Variants in FST observed in about 807,000 individuals in gnomAD.
FST encodes follistatin.
In FST, 6 loss-of-function variants were observed where a neutral mutation model predicts 38.4. That is an observed-to-expected ratio of 0.16 (90% CI 0.09 to 0.31). FST has a LOEUF of 0.31. Ranked by LOEUF, FST falls within the 10% of genes least tolerant of loss-of-function variation. FST has a pLI of 1.00. For missense variants in FST, 301 were observed against 432.3 expected, an observed-to-expected ratio of 0.70 and a Z score of 2.69; for synonymous variants, 157 against 169.8, an observed-to-expected ratio of 0.92 and a Z score of 0.59.
chr5:53,482,523 G>C (rs1255367633), intron 1 of FST, among the ~76,000 whole-genome samples: 1 of 151,866 alleles, frequency 6.6e-6, no homozygotes, highest in Non-Finnish European at 1.5e-5. Context: ...GAAATGGGAC[G>C]AATAAAAGTA....
In FST at chr5:53,482,992, C is replaced by A. The variant is rs1315267384; in HGVS notation, c.198C>A (p.Thr66=). Residue 66 remains threonine (T), a synonymous_variant, in exon 2 of 6, where the codon ACC becomes ACA. Coordinates refer to ENST00000256759, the MANE Select transcript of FST (RefSeq NM_013409.3). ...CCGGCCGGCTGAGCACCTCGTGGAC[C>A]GAGGAGGACGTGAATGACAACACAC... ...CSTGRLSTSW[T]EEDVNDNTLF... 1 of 1,613,776 alleles carries A rather than the reference C, an allele frequency of 6.2e-7. No homozygotes were observed. The highest frequency in any genetic ancestry group is 8.5e-7 in the Non-Finnish European group (1 of 1,179,680).
Position 53,483,879 on chromosome 5 carries a change from C to T in FST, c.496+157C>T, listed in dbSNP as rs1006955694. ...CCAAATAAAGGAGTCCTTTTCTAACCTCTAGAGATTCATTAAGAACACTGA... is the reference window on the plus strand; with the variant it reads ...CCAAATAAAGGAGTCCTTTTCTAACTTCTAGAGATTCATTAAGAACACTGA... On this transcript the variant is annotated intron_variant, in intron 3 of 5. Coordinates refer to ENST00000256759, the MANE Select transcript of FST (RefSeq NM_013409.3). The surrounding 1 kb of genome is among the most constrained non-coding windows in gnomAD (Gnocchi z 4.1). 6.6e-6 allele frequency among the ~76,000 whole-genome samples: 1 copy of T among 152,272 alleles called. No individual in the cohort carries two copies. Among genetic ancestry groups the T allele is most frequent in the Non-Finnish European group, 1.5e-5 (1 of 68,024 alleles).
intron 1 of FST, chr5:53,482,633 CCTCCCTCCCTCT>C (rs1328580649): frequency 6.7e-6 from 3 of 444,980 alleles, no homozygotes; most frequent in Non-Finnish European, 1.2e-5. Flanking sequence ...TCCCTCTCTC[CCTCCCTCCCTCT>C]CGCCCACCTC....
Position 53,483,774 on chromosome 5 carries a change from G to C in FST, c.496+52G>C. The C allele has an allele frequency of 7.5e-7, 1 of 1,341,066 alleles. No homozygotes were observed. The highest frequency in any genetic ancestry group is 1.1e-6 in the Non-Finnish European group (1 of 938,674). The allele number at this position is 1,341,066 out of a possible 1,614,324, so 83.1% of individuals were successfully genotyped here. A position where few individuals can be genotyped will look rare whatever the true frequency, so the allele number is the denominator to read the frequency against. On this transcript the variant is annotated intron_variant, in intron 3 of 5. Coordinates refer to ENST00000256759, the MANE Select transcript of FST (RefSeq NM_013409.3). The surrounding 1 kb of genome is among the most constrained non-coding windows in gnomAD (Gnocchi z 4.1). ...TGGATCTGTCCCCTCCTCCAGCTTTGTACCTAAAGTAGACCCTCTAGAAGA... is the reference window on the plus strand; with the variant it reads ...TGGATCTGTCCCCTCCTCCAGCTTTCTACCTAAAGTAGACCCTCTAGAAGA...
In FST at chr5:53,485,392, G is replaced by T. The variant is rs115169582; in HGVS notation, c.952+165G>T. Among the ~76,000 whole-genome samples, 23 of 152,286 alleles carry T rather than the reference G, an allele frequency of 1.5e-4. No individual in the cohort carries two copies. In the South Asian group the frequency reaches 2.5e-3, roughly 16 times the overall value. On this transcript the variant is annotated intron_variant, in intron 5 of 5. Transcript: ENST00000256759. ...CAATAATCCACAGAAAATTCTCTGC[G>T]ATGTTTCTTGGCTTTTAGGACTTAT...
At position 53,480,889 on chromosome 5, in the gene FST, G is replaced by T; in HGVS notation, c.85+13G>T. On this transcript the variant is annotated intron_variant, in intron 1 of 5. Coordinates refer to ENST00000256759, the MANE Select transcript of FST (RefSeq NM_013409.3). ...CGCAGTGCCCAGGGTAAGCGAGTGG[G>T]GATGCGCTGGGGAGGCTTGGCTGAG... 1 of 1,460,634 alleles carries T rather than the reference G, an allele frequency of 6.8e-7. No homozygotes were observed. The highest frequency in any genetic ancestry group is 1.2e-5 in the South Asian group (1 of 80,196). The allele number at this position is 1,460,634 out of a possible 1,614,324, so 90.5% of individuals were successfully genotyped here. A position where few individuals can be genotyped will look rare whatever the true frequency, so the allele number is the denominator to read the frequency against.
chr5:53,481,288 A>G (rs992993383), intron 1 of FST, among the ~76,000 whole-genome samples: 2 of 151,340 alleles, frequency 1.3e-5, no homozygotes, highest in Non-Finnish European at 2.9e-5. Context: ...AAAAAAGGAA[A>G]GAAAGAAAAG....
At chr5:53,485,670 T>G in intron 5 of FST, 2 of 1,559,462 alleles carry the variant, frequency 1.3e-6, no homozygotes. Flanking sequence ...ACAAGAGCGC[T>G]TTTTATCTAA....
intron 1 of FST, 180 bp from the exon 2 acceptor site, chr5:53,482,700 C>A: frequency 1.9e-6 from 1 of 524,770 alleles, no homozygotes; most frequent in East Asian, 3.2e-5. Context: ...CTTCTTTTTC[C>A]ACCCCTCCAC....
rs910824883 is a variant in FST at position 53,486,962 on chromosome 5, C to CT, written c.*935dup. 1 of 152,092 alleles carries CT rather than the reference C, an allele frequency of 6.6e-6. No homozygotes were observed. The highest frequency in any genetic ancestry group is 2.4e-5 in the African/African-American group (1 of 41,412). 9.4% of individuals were successfully genotyped at this position (152,092 alleles called of 1,614,324 possible). Reference sequence around the variant, plus strand: ...TTCAAGTTTCTTGCTTTTCATAATACTTTTTTCTGATGCAATTTTATATTT... The same window carrying CT: ...TTCAAGTTTCTTGCTTTTCATAATACTTTTTTTCTGATGCAATTTTATATTT... On this transcript the variant is annotated 3_prime_UTR_variant, in exon 6 of 6. Coordinates refer to ENST00000256759, the MANE Select transcript of FST (RefSeq NM_013409.3).
Position 53,480,767 on chromosome 5 carries a change from T to TCCTCGCCCCGCGCCTGCCCC in FST, c.-23_-4dup. ...GCGCCGGCTCCCCGCGCCGCTGCGCTCCTCGCCCCGCGCCTGCCCCCAGGA... is the reference window on the plus strand; with the variant it reads ...GCGCCGGCTCCCCGCGCCGCTGCGCTCCTCGCCCCGCGCCTGCCCCCCTCGCCCCGCGCCTGCCCCCAGGA... On this transcript the variant is annotated 5_prime_UTR_variant, in exon 1 of 6. Coordinates refer to ENST00000256759, the MANE Select transcript of FST (RefSeq NM_013409.3). 1 of 1,272,954 alleles carries TCCTCGCCCCGCGCCTGCCCC rather than the reference T, an allele frequency of 7.9e-7. No homozygotes were observed. Among genetic ancestry groups the TCCTCGCCCCGCGCCTGCCCC allele is most frequent in the Non-Finnish European group, 1.0e-6 (1 of 965,860 alleles). 78.9% of individuals were successfully genotyped at this position (1,272,954 alleles called of 1,614,324 possible). A position where few individuals can be genotyped will look rare whatever the true frequency, so the allele number is the denominator to read the frequency against.
rs1747145600 is a variant in FST at position 53,480,737 on chromosome 5, C to CCGCCGCGCCGGCT, written c.-53_-41dup. ...GCGCGCCGCTCGCCCGAGCCACCCG[C>CCGCCGCGCCGGCT]CGCCGCGCCGGCTCCCCGCGCCGCT... On this transcript the variant is annotated 5_prime_UTR_variant, in exon 1 of 6. Transcript: ENST00000256759. 1 of 656,886 alleles carries CCGCCGCGCCGGCT rather than the reference C, an allele frequency of 1.5e-6. No homozygotes were observed. Among genetic ancestry groups the CCGCCGCGCCGGCT allele is most frequent in the Non-Finnish European group, 2.0e-6 (1 of 498,404 alleles). 40.7% of individuals were successfully genotyped at this position (656,886 alleles called of 1,614,324 possible).
intron 4 of FST, 44 bp from the exon 5 acceptor site, chr5:53,484,953 T>C (rs373601315): frequency 6.6e-6 from 6 of 904,200 alleles, no homozygotes; most frequent in Non-Finnish European, 9.4e-6. Flanking sequence ...AAAAGGGGGA[T>C]ATGGGGAAAT....
At chr5:53,484,803 G>A (rs1377917611) in intron 4 of FST, among the ~76,000 whole-genome samples, 194 bp from the exon 5 acceptor site, 1 of 152,142 alleles carries the variant, frequency 6.6e-6, no homozygotes, top group Non-Finnish European at 1.5e-5. Context: ...GTATGTGTGT[G>A]TGCATTTGAG....
chr5:53,484,952 A>G, intron 4 of FST, 45 bp from the exon 5 acceptor site: 1 of 897,112 alleles, frequency 1.1e-6, no homozygotes, highest in Non-Finnish European at 1.9e-6. Flanking sequence ...GAAAAGGGGG[A>G]TATGGGGAAA....
At chr5:53,482,370 C>CCT (rs946105075) in intron 1 of FST, among the ~76,000 whole-genome samples, 2 of 150,596 alleles carry the variant, frequency 1.3e-5, no homozygotes, top group Non-Finnish European at 3.0e-5. Flanking sequence ...TCTCCTCTCT[C>CCT]CTCTCTCTCG....
intron 3 of FST, 23 bp from the exon 4 acceptor site, chr5:53,484,044 ATG>A (rs761042719): frequency 3.7e-6 from 6 of 1,600,590 alleles, no homozygotes; most frequent in Non-Finnish European, 5.1e-6. Context: ...GTACCTATTC[ATG>A]TGTGTTTCCT....
chr5:53,483,444 C>T lies in FST; in HGVS notation c.278-60C>T. The stretch of plus-strand genomic sequence containing the variant: ...ATTGCGCAAGGCACCCGAAGCCCTC[C>T]TGGCTGACCTGCAGACTGCCTGGCT... On this transcript the variant is annotated intron_variant, in intron 2 of 5. Transcript: ENST00000256759. This position sits in a 1 kb window ranked among gnomAD's most constrained non-coding sequence, Gnocchi z 4.1. 7.2e-7 allele frequency: 1 copy of T among 1,398,532 alleles called. No individual in the cohort carries two copies. Among genetic ancestry groups the T allele is most frequent in the Non-Finnish European group, 1.0e-6 (1 of 991,908 alleles). 86.6% of individuals were successfully genotyped at this position (1,398,532 alleles called of 1,614,324 possible).
In FST at chr5:53,486,163, A is replaced by T. The variant is rs922393830; in HGVS notation, c.*130A>T. Reference sequence around the variant, plus strand: ...TGTATGCTTATTTATTTGGGGGGAAAACTATACATTAAAGGACCTTTGTCC... The same window carrying T: ...TGTATGCTTATTTATTTGGGGGGAATACTATACATTAAAGGACCTTTGTCC... On this transcript the variant is annotated 3_prime_UTR_variant, in exon 6 of 6. Transcript: ENST00000256759. The T allele has an allele frequency of 9.1e-5, 50 of 546,774 alleles. No homozygotes were observed. Among genetic ancestry groups the T allele is most frequent in the Middle Eastern group, 4.8e-4 (1 of 2,082 alleles). The allele number at this position is 546,774 out of a possible 1,614,324, so 33.9% of individuals were successfully genotyped here.
Sources: allele counts gnomAD v4.1 joint callset (sites outside exome capture counted in the v4.1 genomes callset), GRCh38; gene constraint gnomAD v4.1.1; non-coding constraint Gnocchi (gnomAD v3.1); transcripts MANE v1.5; gene names NCBI Gene and HGNC (gene_info 2026-07-23, HGNC 2026-07-21).